Variants in PDE7B observed in about 807,000 individuals in gnomAD.
The protein encoded by PDE7B is phosphodiesterase 7B.
In PDE7B, 29 loss-of-function variants were observed where a neutral mutation model predicts 56.2. The observed-to-expected ratio is 0.52, with a 90% CI of 0.38 to 0.70. PDE7B has a LOEUF of 0.70. Among genes scored for constraint, PDE7B ranks in the 30% least tolerant of loss-of-function variants. The pLI, the probability that PDE7B is intolerant of heterozygous loss-of-function variation, is 0.00. For synonymous variants in PDE7B, 197 were observed against 196.9 expected, an observed-to-expected ratio of 1.00 and a Z score of 0.00; for missense variants, 490 against 565.0, an observed-to-expected ratio of 0.87 and a Z score of 1.35.
intron 1 of PDE7B, among the ~76,000 whole-genome samples, chr6:135,924,121 C>G (rs7761806): frequency 2.2e-4 from 33 of 152,072 alleles, no homozygotes; most frequent in Non-Finnish European, 3.8e-4. Flanking sequence ...TTTTCTAGAC[C>G]TGTGTTTTAC....
intron 2 of PDE7B, among the ~76,000 whole-genome samples, chr6:136,062,024 G>A (rs1337262374): frequency 6.6e-6 from 1 of 152,182 alleles, no homozygotes; most frequent in East Asian, 1.9e-4. Flanking sequence ...AAAATAGCAT[G>A]TGATGCTTAC....
At chr6:136,028,895 G>A (rs1776193354) in intron 2 of PDE7B, among the ~76,000 whole-genome samples, 1 of 152,136 alleles carries the variant, frequency 6.6e-6, no homozygotes, top group Admixed American at 6.5e-5. Context: ...CCTTTGGAAG[G>A]CCATTATTCT....
At chr6:135,893,219 TCCCCCCA>T (rs1004224342) in intron 1 of PDE7B, among the ~76,000 whole-genome samples, 10 of 68,598 alleles carry the variant, frequency 1.5e-4, no homozygotes, top group African/African-American at 6.0e-4. Context: ...CCCTCCCCCC[TCCCCCCA>T]CCCCACAACA....
intron 3 of PDE7B, among the ~76,000 whole-genome samples, chr6:136,133,696 A>G (rs1778158428): frequency 6.6e-6 from 1 of 152,184 alleles, no homozygotes; most frequent in Admixed American, 6.5e-5. Flanking sequence ...TCCTAGCCTA[A>G]CAGGGTTTAC....
intron 8 of PDE7B, among the ~76,000 whole-genome samples, chr6:136,161,452 A>G (rs542204479): frequency 1.3e-5 from 2 of 152,200 alleles, no homozygotes; most frequent in African/African-American, 4.8e-5. Flanking sequence ...CTAAGAATAC[A>G]CAGAGAGTAC....
intron 3 of PDE7B, among the ~76,000 whole-genome samples, chr6:136,137,651 C>T (rs998302868): frequency 2.6e-5 from 4 of 152,066 alleles, no homozygotes; most frequent in Admixed American, 6.6e-5. Flanking sequence ...TTTCTTAAAT[C>T]TCAGATATTT....
At chr6:135,971,205 C>T (rs1775087811) in intron 2 of PDE7B, among the ~76,000 whole-genome samples, 1 of 152,116 alleles carries the variant, frequency 6.6e-6, no homozygotes, top group Non-Finnish European at 1.5e-5. Flanking sequence ...TACACAGACA[C>T]ACATATAGAC....
At chr6:135,876,615 T>TAA (rs1775497822) in intron 1 of PDE7B, among the ~76,000 whole-genome samples, 1 of 152,074 alleles carries the variant, frequency 6.6e-6, no homozygotes, top group Non-Finnish European at 1.5e-5. Flanking sequence ...TCCCAGCACT[T>TAA]TGGGAGGCTG....
chr6:136,179,414 G>T (rs1342200260), intron 10 of PDE7B, among the ~76,000 whole-genome samples: 1 of 152,122 alleles, frequency 6.6e-6, no homozygotes, highest in Non-Finnish European at 1.5e-5. Context: ...ATTTGAGAAG[G>T]AGTTATCTCC....
At chr6:136,126,327 A>G (rs1038947518) in intron 3 of PDE7B, among the ~76,000 whole-genome samples, 8 of 152,212 alleles carry the variant, frequency 5.3e-5, no homozygotes, top group African/African-American at 1.9e-4. Flanking sequence ...TAGTAGTTAC[A>G]TTTCTGAAAA....
At chr6:136,038,214 ACAGCAGCAGCAGCAACAGCAGCAG>A (rs1435340024) in intron 2 of PDE7B, 3 of 1,299,238 alleles carry the variant, frequency 2.3e-6, no homozygotes, top group Middle Eastern at 2.1e-4. Flanking sequence ...AGAAGCAGAA[ACAGCAGCAGCAGCAACAGCAGCAG>A]CAGCAGCAGC....
At chr6:136,031,664 G>A (rs1266864331) in intron 2 of PDE7B, among the ~76,000 whole-genome samples, 2 of 149,424 alleles carry the variant, frequency 1.3e-5, no homozygotes, top group Non-Finnish European at 3.0e-5. Flanking sequence ...GCGTGAACCC[G>A]GGAGGCGGAG....
chr6:135,999,691 C>T (rs1018108230), intron 2 of PDE7B, among the ~76,000 whole-genome samples: 1 of 151,328 alleles, frequency 6.6e-6, no homozygotes, highest in Non-Finnish European at 1.5e-5. Flanking sequence ...TATTCCATGT[C>T]TTTGCTATTG....
intron 8 of PDE7B, among the ~76,000 whole-genome samples, chr6:136,171,097 A>G (rs1366645896): frequency 3.9e-5 from 6 of 152,326 alleles, no homozygotes; most frequent in African/African-American, 1.4e-4. Context: ...AGTCAATGGT[A>G]CAGACATAAT....
intron 2 of PDE7B, among the ~76,000 whole-genome samples, chr6:136,104,035 C>T (rs1777606300): frequency 6.6e-6 from 1 of 152,170 alleles, no homozygotes; most frequent in South Asian, 2.1e-4. Context: ...AGCAAGAGGT[C>T]CATTCCGGAG....
At chr6:136,166,655 A>T (rs554517460) in intron 8 of PDE7B, among the ~76,000 whole-genome samples, 5 of 152,220 alleles carry the variant, frequency 3.3e-5, no homozygotes, top group Admixed American at 3.3e-4. Flanking sequence ...GGATGGTGCC[A>T]AATCATTCAT....
At chr6:135,917,604 G>T (rs77140321) in intron 1 of PDE7B, among the ~76,000 whole-genome samples, 10 of 144,546 alleles carry the variant, frequency 6.9e-5, no homozygotes, top group Non-Finnish European at 9.1e-5. Flanking sequence ...ATTTGTTGTT[G>T]TTTTTTTTTT....
chr6:135,995,959 A>T (rs1243176953), intron 2 of PDE7B, among the ~76,000 whole-genome samples: 1 of 152,190 alleles, frequency 6.6e-6, no homozygotes, highest in Non-Finnish European at 1.5e-5. Context: ...TCTTTAAATA[A>T]ATGGATACAC....
At position 135,899,589 on chromosome 6, in the gene PDE7B, T is replaced by G. The variant is rs142118898; in HGVS notation, c.21+47570T>G. Among the ~76,000 whole-genome samples the G allele has an allele frequency of 1.8e-4, 28 of 152,046 alleles. No homozygotes were observed. In the East Asian group the frequency reaches 5.4e-3, roughly 29 times the overall value. On this transcript the variant is annotated intron_variant, in intron 1 of 12. Transcript: ENST00000308191. Reference sequence around the variant, plus strand: ...TTAAAAATGTGTGTCTTTTTCCATATTGCCTGTTTATATACTCGTCTGTTT... The same window carrying G: ...TTAAAAATGTGTGTCTTTTTCCATAGTGCCTGTTTATATACTCGTCTGTTT...
Sources: gnomAD v4.1 joint callset for allele counts (sites outside exome capture counted in the v4.1 genomes callset) on GRCh38, gnomAD v4.1.1 for gene constraint, MANE v1.5 for transcripts, NCBI Gene and HGNC (gene_info 2026-07-23, HGNC 2026-07-21) for gene names.